The following NSMCE2 variants were observed in gnomAD, a reference collection of about 807,000 sequenced individuals.
NSMCE2 encodes the protein E3 SUMO-protein ligase NSE2.
A neutral mutation model predicts 23.8 loss-of-function variants in NSMCE2; 24 were observed. The ratio of observed to expected loss-of-function variants is 1.01; its 90% CI spans 0.73 to 1.42. NSMCE2 has a LOEUF of 1.42. Among genes scored for constraint, NSMCE2 ranks in the 40% most tolerant of loss-of-function variants. The pLI, the probability that NSMCE2 is intolerant of heterozygous loss-of-function variation, is 0.00. For missense variants in NSMCE2, 284 were observed against 296.5 expected (o/e 0.96, Z 0.31); for synonymous variants, 92 against 94.1 (o/e 0.98, Z 0.13).
chr8:125,208,063 T>G (rs912545838), intron 5 of NSMCE2, among the ~76,000 whole-genome samples: 1 of 152,216 alleles, frequency 6.6e-6, no homozygotes, highest in South Asian at 2.1e-4. Flanking sequence ...GCCATCCAGC[T>G]CATATTCATT....
At chr8:125,239,231 A>G (rs1017094811) in intron 5 of NSMCE2, among the ~76,000 whole-genome samples, 30 of 152,210 alleles carry the variant, frequency 2.0e-4, no homozygotes, top group Admixed American at 2.0e-3. Flanking sequence ...AGTCAAGCCT[A>G]TCACCATATT....
At chr8:125,238,812 G>C (rs1825656112) in intron 5 of NSMCE2, among the ~76,000 whole-genome samples, 1 of 152,080 alleles carries the variant, frequency 6.6e-6, no homozygotes. Context: ...ATTCTTAATT[G>C]TTCTAACAGT....
In NSMCE2 at chr8:125,357,514, C is replaced by G. The variant is rs984625743; in HGVS notation, c.519+195C>G. 5.9e-5 allele frequency among the ~76,000 whole-genome samples: 9 copies of G among 152,338 alleles called. No individual in the cohort carries two copies. In the East Asian group the frequency reaches 1.7e-3, roughly 29 times the overall value. ...GTCAGTCAATCATGCCCTGAAGGAT[C>G]CGGGACTAAAGTCATGGCCTACAGG... On this transcript the variant is annotated intron_variant, in intron 6 of 7. Coordinates refer to ENST00000287437, the MANE Select transcript of NSMCE2 (RefSeq NM_173685.4).
chr8:125,275,712 A>G (rs1827424462), intron 5 of NSMCE2, among the ~76,000 whole-genome samples: 1 of 152,196 alleles, frequency 6.6e-6, no homozygotes. Flanking sequence ...TGTGTTTTCG[A>G]TGCCGTATGA....
At chr8:125,132,902 A>T (rs1321681042) in intron 3 of NSMCE2, among the ~76,000 whole-genome samples, 1 of 152,242 alleles carries the variant, frequency 6.6e-6, no homozygotes, top group Non-Finnish European at 1.5e-5. Flanking sequence ...GACTAGATTT[A>T]TAGACCCTTA....
chr8:125,298,167 A>C (rs957778965), intron 5 of NSMCE2, among the ~76,000 whole-genome samples: 44 of 151,922 alleles, frequency 2.9e-4, no homozygotes, highest in African/African-American at 9.7e-4. Context: ...GGCTGAGGCC[A>C]GAGGATCGCT....
At chr8:125,268,565 T>G (rs374005320) in intron 5 of NSMCE2, among the ~76,000 whole-genome samples, 5 of 152,202 alleles carry the variant, frequency 3.3e-5, no homozygotes, top group African/African-American at 1.2e-4. Context: ...CTTAGGTTGT[T>G]GGGGATGCAG....
chr8:125,194,698 G>A (rs1001247054), intron 5 of NSMCE2, among the ~76,000 whole-genome samples: 29 of 151,912 alleles, frequency 1.9e-4, no homozygotes, highest in African/African-American at 6.3e-4. Context: ...ACATTTTGTC[G>A]ATATTATTTA....
chr8:125,176,826 G>A (rs143100484), intron 4 of NSMCE2, among the ~76,000 whole-genome samples: 46 of 152,282 alleles, frequency 3.0e-4, no homozygotes, highest in Middle Eastern at 3.4e-3. Context: ...AGCAGACATC[G>A]GCAGCTGAGT....
At chr8:125,275,177 T>C (rs1336353898) in intron 5 of NSMCE2, among the ~76,000 whole-genome samples, 1 of 151,978 alleles carries the variant, frequency 6.6e-6, no homozygotes, top group African/African-American at 2.4e-5. Flanking sequence ...TTCCATATCC[T>C]TTTCCTGTCC....
At chr8:125,295,970 C>T (rs910551398) in intron 5 of NSMCE2, among the ~76,000 whole-genome samples, 1 of 152,084 alleles carries the variant, frequency 6.6e-6, no homozygotes, top group Non-Finnish European at 1.5e-5. Context: ...AACTATTAAA[C>T]AAGAAATAAC....
chr8:125,198,817 TG>T (rs1433397193), intron 5 of NSMCE2, among the ~76,000 whole-genome samples: 1 of 152,222 alleles, frequency 6.6e-6, no homozygotes, highest in Admixed American at 6.5e-5. Flanking sequence ...TGTCTGGTCC[TG>T]GGCTTTTTTT....
At chr8:125,106,928 G>A (rs1818490039) in intron 3 of NSMCE2, among the ~76,000 whole-genome samples, 1 of 151,594 alleles carries the variant, frequency 6.6e-6, no homozygotes, top group Non-Finnish European at 1.5e-5. Flanking sequence ...CCCTGGGGGC[G>A]GAGGTTGCAG....
At chr8:125,265,700 G>C (rs1011059174) in intron 5 of NSMCE2, among the ~76,000 whole-genome samples, 4 of 152,302 alleles carry the variant, frequency 2.6e-5, no homozygotes, top group African/African-American at 9.6e-5. Flanking sequence ...GTAAGAAGCA[G>C]AGCCTGTGTT....
At chr8:125,173,554 G>A (rs906773282) in intron 4 of NSMCE2, among the ~76,000 whole-genome samples, 1 of 152,160 alleles carries the variant, frequency 6.6e-6, no homozygotes, top group African/African-American at 2.4e-5. Context: ...CAATCCATTA[G>A]CATCATACCA....
At chr8:125,134,127 A>G (rs1298969768) in intron 3 of NSMCE2, among the ~76,000 whole-genome samples, 1 of 152,242 alleles carries the variant, frequency 6.6e-6, no homozygotes, top group Admixed American at 6.5e-5. Flanking sequence ...TGAGGGGATT[A>G]TACATTAAAA....
intron 4 of NSMCE2, among the ~76,000 whole-genome samples, chr8:125,168,680 C>T (rs571122697): frequency 1.3e-5 from 2 of 152,252 alleles, no homozygotes; most frequent in Non-Finnish European, 2.9e-5. Context: ...GTGCTCTAAT[C>T]TCTTCCCAGA....
chr8:125,256,867 G>A (rs1261786738), intron 5 of NSMCE2, among the ~76,000 whole-genome samples: 3 of 135,300 alleles, frequency 2.2e-5, no homozygotes, highest in African/African-American at 8.0e-5. Context: ...TGGTTGCAGT[G>A]AGTCGAGATT....
At chr8:125,156,788 G>A (rs1821340298) in intron 4 of NSMCE2, among the ~76,000 whole-genome samples, 1 of 152,138 alleles carries the variant, frequency 6.6e-6, no homozygotes, top group African/African-American at 2.4e-5. Flanking sequence ...CTCTCATTAT[G>A]CAACTAGTTT....
Sources: allele counts gnomAD v4.1 joint callset (sites outside exome capture counted in the v4.1 genomes callset), GRCh38; gene constraint gnomAD v4.1.1; transcripts MANE v1.5; gene names NCBI Gene and HGNC (gene_info 2026-07-23, HGNC 2026-07-21).